Variants in FRMD3 observed in about 807,000 individuals in gnomAD.
FRMD3 encodes the protein FERM domain containing 3, also known as FERM domain-containing protein 3.
In FRMD3, 33 loss-of-function variants were observed where a neutral mutation model predicts 70.2. That is an observed-to-expected ratio of 0.47 (90% confidence interval 0.36 to 0.63). The LOEUF is 0.63. FRMD3 is among the 20% of genes least tolerant of loss of function. The probability of loss-of-function intolerance (pLI) is 0.00; values close to 1 mark genes in which losing one functional copy is unlikely to be tolerated. For synonymous variants in FRMD3, 279 were observed against 255.9 expected (o/e 1.09, Z -0.86); for missense variants, 632 against 711.4 (o/e 0.89, Z 1.27).
the FRMD3 span, among the ~76,000 whole-genome samples, chr9:83,560,465 C>G: frequency 6.6e-6 from 1 of 152,246 alleles, no homozygotes; most frequent in East Asian, 1.9e-4. Flanking sequence ...CCCAACCAAC[C>G]TGTAGCCTTA....
intron 2 of FRMD3, among the ~76,000 whole-genome samples, chr9:83,373,797 C>G (rs1825057829): frequency 6.6e-6 from 1 of 152,140 alleles, no homozygotes; most frequent in East Asian, 1.9e-4. Flanking sequence ...ATCCTGAGGT[C>G]AGGGAGCTCT....
intron 13 of FRMD3, among the ~76,000 whole-genome samples, chr9:83,285,700 A>G (rs1834178437): frequency 6.6e-6 from 1 of 152,196 alleles, no homozygotes; most frequent in South Asian, 2.1e-4. Context: ...TCTACTGATA[A>G]AACACAGAAG....
intron 4 of FRMD3, among the ~76,000 whole-genome samples, chr9:83,348,248 TTC>T (rs1003672946): frequency 4.6e-5 from 7 of 151,050 alleles, no homozygotes; most frequent in African/African-American, 1.5e-4. Flanking sequence ...TCTCTCTCTC[TTC>T]TCTCTCTCTC....
chr9:83,494,370 T>TAG (rs1828893557), intron 1 of FRMD3, among the ~76,000 whole-genome samples: 1 of 152,210 alleles, frequency 6.6e-6, no homozygotes, highest in East Asian at 1.9e-4. Context: ...CTTCTCACAT[T>TAG]AGAATGAAAA....
At chr9:83,503,890 G>A (rs1829126122) in intron 1 of FRMD3, among the ~76,000 whole-genome samples, 1 of 152,204 alleles carries the variant, frequency 6.6e-6, no homozygotes, top group Non-Finnish European at 1.5e-5. Flanking sequence ...AGAAGGAAAA[G>A]GAAGATATAG....
At chr9:83,349,572 A>T (rs1300005085) in intron 4 of FRMD3, 107 bp downstream of exon 4, 1 of 688,416 alleles carries the variant, frequency 1.5e-6, no homozygotes, top group Non-Finnish European at 2.4e-6. Flanking sequence ...CAAGCTTGCA[A>T]CACTGAGACG....
At chr9:83,433,954 C>G (rs548401713) in intron 1 of FRMD3, among the ~76,000 whole-genome samples, 5 of 152,312 alleles carry the variant, frequency 3.3e-5, no homozygotes, top group Admixed American at 3.3e-4. Context: ...GGACCCCTGC[C>G]TTAAAGGACT....
intron 1 of FRMD3, among the ~76,000 whole-genome samples, chr9:83,413,346 T>C (rs1166738460): frequency 6.6e-6 from 1 of 152,150 alleles, no homozygotes; most frequent in Non-Finnish European, 1.5e-5. Flanking sequence ...GAATGGAAGG[T>C]CCTGTCAGTG....
chr9:83,460,416 T>C (rs1827936543), intron 1 of FRMD3, among the ~76,000 whole-genome samples: 1 of 152,180 alleles, frequency 6.6e-6, no homozygotes, highest in South Asian at 2.1e-4. Context: ...ATACTTTAAG[T>C]TCACCATCAA....
At chr9:83,459,418 TCTGGGTGGACCATTG>T (rs1827908508) in intron 1 of FRMD3, among the ~76,000 whole-genome samples, 1 of 152,248 alleles carries the variant, frequency 6.6e-6, no homozygotes, top group African/African-American at 2.4e-5. Context: ...TTCAGCCATG[TCTGGGTGGACCATTG>T]TGTGGAGGTT....
chr9:83,414,440 C>T (rs150103803), intron 1 of FRMD3, among the ~76,000 whole-genome samples: 93 of 151,968 alleles, frequency 6.1e-4, no homozygotes, highest in African/African-American at 2.1e-3. Flanking sequence ...ATTCCTTAAA[C>T]GGAACACAGA....
intron 1 of FRMD3, among the ~76,000 whole-genome samples, chr9:83,523,405 C>G (rs1000479063): frequency 1.3e-5 from 2 of 152,160 alleles, no homozygotes; most frequent in Non-Finnish European, 1.5e-5. Context: ...ATCTCTCCCT[C>G]TCTATCTCTC....
At chr9:83,250,366 G>A (rs990049306) in intron 13 of FRMD3, among the ~76,000 whole-genome samples, 2 of 151,996 alleles carry the variant, frequency 1.3e-5, no homozygotes, top group South Asian at 2.1e-4. Flanking sequence ...GTGGAGTCTC[G>A]GCAGAGCAGC....
At chr9:83,358,672 GTATT>G (rs34830442) in intron 3 of FRMD3, among the ~76,000 whole-genome samples, 14,998 of 142,916 alleles carry the variant, frequency 0.1, 937 homozygotes, top group East Asian at 0.18. Flanking sequence ...ATATTCTTAA[GTATT>G]TATTTATTTA....
intron 10 of FRMD3, among the ~76,000 whole-genome samples, chr9:83,299,502 G>A (rs1834817559): frequency 6.6e-6 from 1 of 152,158 alleles, no homozygotes; most frequent in Non-Finnish European, 1.5e-5. Context: ...TGATCAGAAG[G>A]AATTCTCCCC....
chr9:83,520,545 T>C (rs1829548462), intron 1 of FRMD3, among the ~76,000 whole-genome samples: 3 of 152,186 alleles, frequency 2.0e-5, no homozygotes, highest in Admixed American at 2.0e-4. Context: ...CAAATTTTAA[T>C]GAGTTGAAAT....
chr9:83,262,816 C>A (rs568106545), intron 13 of FRMD3, among the ~76,000 whole-genome samples: 1 of 152,168 alleles, frequency 6.6e-6, no homozygotes, highest in Non-Finnish European at 1.5e-5. Flanking sequence ...TCCTATCCCC[C>A]ACTCCCGGAC....
At chr9:83,480,658 G>C (rs1362329865) in intron 1 of FRMD3, among the ~76,000 whole-genome samples, 2 of 152,078 alleles carry the variant, frequency 1.3e-5, no homozygotes, top group African/African-American at 2.4e-5. Flanking sequence ...ACCACACCCA[G>C]CTAATTCTGT....
rs377734488 is a variant in FRMD3, at chr9:83,452,938, T to A, written c.148-63230A>T. On this transcript the variant is annotated intron_variant, in intron 1 of 13. Transcript: ENST00000304195. ...GGTGCAATCTCGGCTCACTGCAGCC[T>A]CCGCCTCTCAGGTTCAAGCGATTCT... Among the ~76,000 whole-genome samples the A allele has an allele frequency of 3.2e-3, 424 of 133,514 alleles. 1 individual carries two copies. Among genetic ancestry groups the A allele is most frequent in the Middle Eastern group, 0.016 (4 of 246 alleles). 87.6% of individuals were successfully genotyped at this position (133,514 alleles called of 152,430 possible). A position where few individuals can be genotyped will look rare whatever the true frequency, so the allele number is the denominator to read the frequency against.
Sources: allele counts gnomAD v4.1 joint callset (sites outside exome capture counted in the v4.1 genomes callset), GRCh38; gene constraint gnomAD v4.1.1; transcripts MANE v1.5; gene names NCBI Gene and HGNC (gene_info 2026-07-23, HGNC 2026-07-21).